PCDHGA3: variants seen among roughly 807,000 people sequenced by gnomAD.
PCDHGA3 encodes the protein protocadherin gamma-A3.
Under a neutral mutation model 58.5 loss-of-function variants are expected in PCDHGA3, and 40 were observed. That is an observed-to-expected ratio of 0.68 (90% CI 0.53 to 0.89). The LOEUF (loss-of-function observed/expected upper bound fraction) is 0.89, where lower values mean the gene tolerates loss of function less well. Among genes scored for constraint, PCDHGA3 ranks in the 40% least tolerant of loss-of-function variants. The pLI is 0.00. For missense variants in PCDHGA3, 1,223 were observed against 1,195.9 expected (o/e 1.02, Z -0.33); for synonymous variants, 530 against 525.7 (o/e 1.01, Z -0.11).
chr5:141,381,835 T>TCTTTCTTCTTC (rs1561589443), intron 1 of PCDHGA3, among the ~76,000 whole-genome samples: 174 of 141,116 alleles, frequency 1.2e-3, no homozygotes, highest in African/African-American at 4.6e-3. Flanking sequence ...TCTTTTTTTT[T>TCTTTCTTCTTC]TTTTTTTTTT....
intron 2 of PCDHGA3, among the ~76,000 whole-genome samples, chr5:141,497,706 A>G (rs2099778850): frequency 6.6e-6 from 1 of 151,956 alleles, no homozygotes; most frequent in Middle Eastern, 3.2e-3. Flanking sequence ...CACCCAGCTC[A>G]TTTTTGTATT....
chr5:141,376,561 A>G (rs780141155), intron 1 of PCDHGA3: 3 of 1,608,212 alleles, frequency 1.9e-6, no homozygotes, highest in South Asian at 1.1e-5. Context: ...CCGCAACCCA[A>G]CTAATCAGAC....
Position 141,491,048 on chromosome 5 carries a change from C to T in PCDHGA3, c.2425-3759C>T, listed in dbSNP as rs755163825. The T allele has an allele frequency of 7.4e-6, 12 of 1,613,948 alleles. No individual in the cohort carries two copies. Among genetic ancestry groups the T allele is most frequent in the South Asian group, 4.4e-5 (4 of 91,090 alleles). ...GTGGATGCTGATGCAGGCCACAATG[C>T]GTGGCTCTCCTACTCACTGTTGCCA... On this transcript the variant is annotated intron_variant, in intron 1 of 3. Coordinates refer to ENST00000253812, the MANE Select transcript of PCDHGA3 (RefSeq NM_018916.4). The surrounding 1 kb of genome is among the most constrained non-coding windows in gnomAD (Gnocchi z 6.9).
At chr5:141,351,367 C>A (rs1253333383) in intron 1 of PCDHGA3, 7 of 1,612,708 alleles carry the variant, frequency 4.3e-6, no homozygotes, top group Non-Finnish European at 1.7e-6. Flanking sequence ...AAGTGCGAGA[C>A]AAGGATTCTG....
At chr5:141,418,800 G>A in intron 1 of PCDHGA3, 1 of 1,613,800 alleles carries the variant, frequency 6.2e-7, no homozygotes, top group African/African-American at 1.3e-5. Context: ...GAAGTAGAAA[G>A]ATATACGATA....
intron 1 of PCDHGA3, chr5:141,404,062 T>G: frequency 6.2e-7 from 1 of 1,613,906 alleles, no homozygotes; most frequent in African/African-American, 1.3e-5. Flanking sequence ...TTCTTTTCAA[T>G]GCTCATGACC....
At chr5:141,499,029 A>AAGGAAGGAAGGAAGGAAGGAAGG (rs1562187768) in intron 2 of PCDHGA3, among the ~76,000 whole-genome samples, 1 of 139,968 alleles carries the variant, frequency 7.1e-6, no homozygotes, top group African/African-American at 2.8e-5. Flanking sequence ...AGGAAGGAAG[A>AAGGAAGGAAGGAAGGAAGGAAGG]AAAGAAAGAA....
intron 1 of PCDHGA3, chr5:141,365,430 C>G: frequency 6.2e-7 from 1 of 1,613,960 alleles, no homozygotes; most frequent in Middle Eastern, 1.6e-4. Context: ...ACTGTAATCG[C>G]GCTGTTTAGC....
At chr5:141,495,007 G>A in intron 2 of PCDHGA3, 142 bp downstream of exon 2, 4 of 1,522,158 alleles carry the variant, frequency 2.6e-6, no homozygotes, top group Non-Finnish European at 3.5e-6. Context: ...TTGGTGTGCG[G>A]GGGGCTGGCA....
chr5:141,428,057 G>C (rs766786963), intron 1 of PCDHGA3: 2 of 1,609,044 alleles, frequency 1.2e-6, no homozygotes, highest in East Asian at 2.2e-5. Flanking sequence ...AGGTGGTGGC[G>C]GTGGACGCAG....
In PCDHGA3 at chr5:141,485,669, T is replaced by G. The variant is rs754363407; in HGVS notation, c.2425-9138T>G. ...TCAGGATGCAGATGTGGGGAGCAATTCGATTAGCAGCTATAGGCTGAGCTC... is the reference window on the plus strand; with the variant it reads ...TCAGGATGCAGATGTGGGGAGCAATGCGATTAGCAGCTATAGGCTGAGCTC... On this transcript the variant is annotated intron_variant, in intron 1 of 3. Transcript: ENST00000253812. The surrounding 1 kb of genome is among the most constrained non-coding windows in gnomAD (Gnocchi z 5.7). 1.9e-6 allele frequency: 3 copies of G among 1,612,788 alleles called. 1 individual carries two copies. Among genetic ancestry groups the G allele is most frequent in the Admixed American group, 1.7e-5 (1 of 59,980 alleles).
chr5:141,362,138 T>A, intron 1 of PCDHGA3: 2 of 1,614,032 alleles, frequency 1.2e-6, no homozygotes, highest in Non-Finnish European at 1.7e-6. Flanking sequence ...GCGGATAGCC[T>A]GCAAGAGGTA....
Position 141,346,334 on chromosome 5 carries a change from C to A in PCDHGA3, c.2301C>A (p.His767Gln). 6.2e-7 allele frequency: 1 copy of A among 1,614,224 alleles called. No homozygotes were observed. The highest frequency in any genetic ancestry group is 8.5e-7 in the Non-Finnish European group (1 of 1,180,034). Residue 767 changes from histidine (H) to glutamine (Q), a missense_variant, in exon 1 of 4, where the codon CAC becomes CAA. By Grantham distance (24) the His-to-Gln change is conservative (BLOSUM62 0). Around this residue, in one of 3 missense-constraint regions of PCDHGA3, gnomAD observed 325 missense variants for 327.5 expected, o/e 0.99. Coordinates refer to ENST00000253812, the MANE Select transcript of PCDHGA3 (RefSeq NM_018916.4). ...VSLTADSRKSHLIFPQPNYAD... is the reference protein window; with the variant it reads ...VSLTADSRKSQLIFPQPNYAD... ...TCACTGCGGACTCGCGGAAGAGCCACCTGATTTTCCCCCAGCCCAACTATG... is the reference window on the plus strand; with the variant it reads ...TCACTGCGGACTCGCGGAAGAGCCAACTGATTTTCCCCCAGCCCAACTATG...
intron 1 of PCDHGA3, chr5:141,371,620 C>T (rs748176272): frequency 1.9e-6 from 3 of 1,613,992 alleles, no homozygotes; most frequent in East Asian, 2.2e-5. Context: ...ACAGATGGAG[C>T]CCTGGACCGG....
chr5:141,477,582 A>T lies in PCDHGA3; in HGVS notation c.2425-17225A>T, dbSNP rs567486170. The T allele has an allele frequency of 6.2e-7, 1 of 1,614,190 alleles. No individual in the cohort carries two copies. The highest frequency in any genetic ancestry group is 2.2e-5 in the East Asian group (1 of 44,888). ...GTCTGGGACCCCGACGCCCCGCAGA[A>T]TGCTCGGCTTTCTTTCTTTCTCTTG... On this transcript the variant is annotated intron_variant, in intron 1 of 3. Transcript: ENST00000253812. The surrounding 1 kb of genome is among the most constrained non-coding windows in gnomAD (Gnocchi z 4.9).
Position 141,449,720 on chromosome 5 carries a change from T to C in PCDHGA3, c.2425-45087T>C, listed in dbSNP as rs373093679. 2.4e-4 allele frequency among the ~76,000 whole-genome samples: 36 copies of C among 151,876 alleles called. No individual in the cohort carries two copies. In the East Asian group the frequency reaches 3.1e-3, roughly 13 times the overall value. ...ACACAAACACATTATTTTTATATGA[T>C]ATGATTTTTTTATGACATGATTATT... On this transcript the variant is annotated intron_variant, in intron 1 of 3. Coordinates refer to ENST00000253812, the MANE Select transcript of PCDHGA3 (RefSeq NM_018916.4).
intron 1 of PCDHGA3, chr5:141,419,468 C>T: frequency 6.2e-7 from 1 of 1,612,484 alleles, no homozygotes; most frequent in Non-Finnish European, 8.5e-7. Flanking sequence ...GGCCCGCGAC[C>T]AGGGCTCGCC....
intron 1 of PCDHGA3, chr5:141,423,111 T>C (rs1394665462): frequency 3.1e-6 from 5 of 1,613,718 alleles, no homozygotes; most frequent in South Asian, 1.1e-5. Flanking sequence ...GCGAGGTGCG[T>C]ACAGCGCGGG....
intron 1 of PCDHGA3, chr5:141,376,030 C>G (rs766254447): frequency 1.2e-6 from 2 of 1,613,082 alleles, no homozygotes; most frequent in Non-Finnish European, 1.7e-6. Flanking sequence ...TCCAGGACCA[C>G]GGCCAGCCCC....
Sources: allele counts gnomAD v4.1 joint callset (sites outside exome capture counted in the v4.1 genomes callset), GRCh38; gene constraint gnomAD v4.1.1; regional missense constraint gnomAD v4.1.1; non-coding constraint Gnocchi (gnomAD v3.1); transcripts MANE v1.5; gene names NCBI Gene and HGNC (gene_info 2026-07-23, HGNC 2026-07-21).